NEK6: variants seen among roughly 807,000 people sequenced by gnomAD.
The protein encoded by NEK6 is serine/threonine-protein kinase Nek6.
Under a neutral mutation model 43.5 loss-of-function variants are expected in NEK6, and 27 were observed. The observed-to-expected ratio is 0.62, with a 90% CI of 0.46 to 0.86. NEK6 has a LOEUF of 0.86. NEK6 is among the 40% of genes least tolerant of loss of function. The pLI, the probability that NEK6 is intolerant of heterozygous loss-of-function variation, is 0.00. For missense variants in NEK6, 318 were observed against 414.4 expected (o/e 0.77, Z 2.02); for synonymous variants, 167 against 164.1 (o/e 1.02, Z -0.14).
In NEK6 at chr9:124,324,984, G is replaced by A. The variant is rs1167305406; in HGVS notation, c.406-1346G>A. Among the ~76,000 whole-genome samples the A allele has an allele frequency of 1.3e-5, 2 of 152,208 alleles. No individual in the cohort carries two copies. The highest frequency in any genetic ancestry group is 1.5e-5 in the Non-Finnish European group (1 of 68,030). The stretch of plus-strand genomic sequence containing the variant: ...GAGGTGAGGAGTTCGAGACCAGCCT[G>A]GCTAACGTGGTGAAACCCCATCTCT... On this transcript the variant is annotated intron_variant, in intron 5 of 9. Coordinates refer to ENST00000320246, the MANE Select transcript of NEK6 (RefSeq NM_014397.6). This position sits in a 1 kb window ranked among gnomAD's most constrained non-coding sequence, Gnocchi z 5.3.
At chr9:124,307,755 C>T (rs947363994) in intron 2 of NEK6, among the ~76,000 whole-genome samples, 6 of 152,208 alleles carry the variant, frequency 3.9e-5, no homozygotes, top group African/African-American at 1.4e-4. Flanking sequence ...GGTCCCTTGA[C>T]AAATGGTCCT....
intron 1 of NEK6, among the ~76,000 whole-genome samples, chr9:124,261,783 T>C (rs1472699359): frequency 1.3e-5 from 2 of 152,222 alleles, no homozygotes; most frequent in Non-Finnish European, 2.9e-5. Context: ...CTTCCATGTA[T>C]GTTCTGCAAA....
chr9:124,299,820 A>T (rs1402895646), intron 1 of NEK6, among the ~76,000 whole-genome samples: 1 of 152,090 alleles, frequency 6.6e-6, no homozygotes, highest in East Asian at 1.9e-4. Context: ...CAAATGGCCA[A>T]GTCTGTGGGT....
chr9:124,315,632 T>C (rs1833775155), intron 4 of NEK6, among the ~76,000 whole-genome samples: 1 of 152,228 alleles, frequency 6.6e-6, no homozygotes, highest in South Asian at 2.1e-4. Flanking sequence ...CCACCTCATG[T>C]GCCCTTCTCC....
intron 1 of NEK6, among the ~76,000 whole-genome samples, chr9:124,287,078 A>G (rs1206664706): frequency 3.3e-5 from 5 of 152,098 alleles, no homozygotes; most frequent in Admixed American, 1.3e-4. Flanking sequence ...AGCTGGCCAC[A>G]CCGGGAAGCC....
At position 124,308,803 on chromosome 9, in the gene NEK6, A is replaced by G. The variant is rs1833395552; in HGVS notation, c.91-3706A>G. ...CTTGCAGTTTAGAGCCACACCAGACACTAATCACCAACATCATCTCCCAGA... is the reference window on the plus strand; with the variant it reads ...CTTGCAGTTTAGAGCCACACCAGACGCTAATCACCAACATCATCTCCCAGA... On this transcript the variant is annotated intron_variant, in intron 2 of 9. Coordinates refer to ENST00000320246, the MANE Select transcript of NEK6 (RefSeq NM_014397.6). Among the ~76,000 whole-genome samples the G allele has an allele frequency of 1.3e-5, 2 of 152,194 alleles. 1 individual carries two copies. Among genetic ancestry groups the G allele is most frequent in the South Asian group, 4.1e-4 (2 of 4,834 alleles).
chr9:124,333,203 A>G (rs890321348), intron 7 of NEK6, among the ~76,000 whole-genome samples: 2 of 152,220 alleles, frequency 1.3e-5, no homozygotes, highest in African/African-American at 4.8e-5. Context: ...TTCAAAACTC[A>G]TGCGAGTTGG....
intron 1 of NEK6, 85 bp downstream of exon 1, chr9:124,258,170 C>A (rs886634945): frequency 1.8e-5 from 18 of 976,598 alleles, no homozygotes; most frequent in Non-Finnish European, 2.1e-5. Flanking sequence ...CCGTCACCCC[C>A]AGCCGGGCCG....
In NEK6 at chr9:124,309,729, G is replaced by A. The variant is rs561083461; in HGVS notation, c.91-2780G>A. Reference sequence around the variant, plus strand: ...CATGGTTATTTTTATGAGTACGTGCGATTCTTCTAAGTGCTCAGAAAGCCG... The same window carrying A: ...CATGGTTATTTTTATGAGTACGTGCAATTCTTCTAAGTGCTCAGAAAGCCG... On this transcript the variant is annotated intron_variant, in intron 2 of 9. Transcript: ENST00000320246. Among the ~76,000 whole-genome samples the A allele has an allele frequency of 7.2e-5, 11 of 152,358 alleles. No homozygotes were observed. The South Asian group carries it at 1.2e-3, about 17-fold the overall frequency.
intron 4 of NEK6, among the ~76,000 whole-genome samples, chr9:124,320,843 A>G (rs1044513663): frequency 1.6e-4 from 25 of 152,176 alleles, no homozygotes; most frequent in African/African-American, 5.8e-4. Flanking sequence ...CGTAGTCCCA[A>G]CTGCTCAGGA....
chr9:124,309,644 C>T (rs932613532), intron 2 of NEK6, among the ~76,000 whole-genome samples: 2 of 152,202 alleles, frequency 1.3e-5, no homozygotes, highest in African/African-American at 4.8e-5. Flanking sequence ...AGTTTGGAGA[C>T]ATAGAGCTGT....
chr9:124,347,565 A>G (rs1455833160), intron 8 of NEK6, 144 bp from the exon 9 acceptor site: 1 of 537,738 alleles, frequency 1.9e-6, no homozygotes, highest in African/African-American at 1.9e-5. Flanking sequence ...ATGCTCGGTG[A>G]TTCGGGGGAG....
chr9:124,276,579 G>C (rs1008142498), intron 1 of NEK6, among the ~76,000 whole-genome samples: 1 of 152,258 alleles, frequency 6.6e-6, no homozygotes, highest in African/African-American at 2.4e-5. Context: ...GGTTGTCTAT[G>C]TGTGGCTGGA....
At chr9:124,308,130 A>G (rs978864307) in intron 2 of NEK6, among the ~76,000 whole-genome samples, 3 of 152,136 alleles carry the variant, frequency 2.0e-5, no homozygotes, top group African/African-American at 7.2e-5. Flanking sequence ...CTCAGTTTCC[A>G]AAGAGGAAAC....
chr9:124,324,615 G>C lies in NEK6; in HGVS notation c.406-1715G>C. ...CACATCACAGCGTGAATAACATCCC[G>C]GCCTGGCCCGCCACAGGCCTGGAGG... On this transcript the variant is annotated intron_variant, in intron 5 of 9. Coordinates refer to ENST00000320246, the MANE Select transcript of NEK6 (RefSeq NM_014397.6). The surrounding 1 kb of genome is among the most constrained non-coding windows in gnomAD (Gnocchi z 5.3). 6.6e-6 allele frequency among the ~76,000 whole-genome samples: 1 copy of C among 152,168 alleles called. No individual in the cohort carries two copies. Among genetic ancestry groups the C allele is most frequent in the East Asian group, 1.9e-4 (1 of 5,196 alleles).
chr9:124,301,005 A>G (rs905423184), intron 1 of NEK6, among the ~76,000 whole-genome samples: 4 of 152,148 alleles, frequency 2.6e-5, no homozygotes, highest in African/African-American at 4.8e-5. Flanking sequence ...TTCCATGCAC[A>G]CCATGTGGGA....
intron 8 of NEK6, among the ~76,000 whole-genome samples, chr9:124,345,284 G>A (rs776068201): frequency 5.3e-5 from 8 of 152,200 alleles, no homozygotes; most frequent in Non-Finnish European, 1.0e-4. Flanking sequence ...CAGGGTAATC[G>A]TTGTAATCCG....
chr9:124,259,433 T>C (rs1292383125), intron 1 of NEK6: 1 of 152,140 alleles, frequency 6.6e-6, no homozygotes, highest in African/African-American at 2.4e-5. Flanking sequence ...TCAGCGAGTT[T>C]GGACTCAGCG....
intron 7 of NEK6, among the ~76,000 whole-genome samples, chr9:124,329,047 C>CA (rs1790641190): frequency 6.6e-6 from 1 of 152,238 alleles, no homozygotes. Flanking sequence ...GCCTCTCCTT[C>CA]AGAACCCACG....
Sources: allele counts gnomAD v4.1 joint callset (sites outside exome capture counted in the v4.1 genomes callset), GRCh38; gene constraint gnomAD v4.1.1; non-coding constraint Gnocchi (gnomAD v3.1); transcripts MANE v1.5; gene names NCBI Gene and HGNC (gene_info 2026-07-23, HGNC 2026-07-21).